The following CNTNAP5 variants were observed in gnomAD, a reference collection of about 807,000 sequenced individuals.
CNTNAP5 encodes contactin associated protein family member 5.
A neutral mutation model predicts 150.2 loss-of-function variants in CNTNAP5; 72 were observed. That is an observed-to-expected ratio of 0.48 (90% CI 0.40 to 0.58). The LOEUF is 0.58. Among genes scored for constraint, CNTNAP5 ranks in the 20% least tolerant of loss-of-function variants. CNTNAP5 has a pLI of 0.00. For missense variants in CNTNAP5, 1,636 were observed against 1,626.2 expected, an observed-to-expected ratio of 1.01 and a Z score of -0.10; for synonymous variants, 672 against 619.8, an observed-to-expected ratio of 1.08 and a Z score of -1.25.
chr2:124,449,026 A>G (rs1190358852), intron 6 of CNTNAP5, among the ~76,000 whole-genome samples: 1 of 152,210 alleles, frequency 6.6e-6, no homozygotes, highest in Admixed American at 6.5e-5. Flanking sequence ...TAGATAATAG[A>G]ACAGTGGAGA....
intron 6 of CNTNAP5, among the ~76,000 whole-genome samples, chr2:124,457,537 T>C (rs1558911084): frequency 6.6e-6 from 1 of 152,204 alleles, no homozygotes; most frequent in East Asian, 1.9e-4. Context: ...GGAAAATGTC[T>C]TTTTATTAAT....
At chr2:124,857,461 A>G (rs548798841) in intron 19 of CNTNAP5, among the ~76,000 whole-genome samples, 4 of 151,946 alleles carry the variant, frequency 2.6e-5, no homozygotes, top group Admixed American at 6.6e-5. Context: ...AGACTGCTCA[A>G]CTCCAACAGG....
intron 3 of CNTNAP5, among the ~76,000 whole-genome samples, chr2:124,250,570 T>C (rs1047144883): frequency 4.6e-5 from 7 of 152,038 alleles, no homozygotes; most frequent in Non-Finnish European, 1.0e-4. Flanking sequence ...CAATAAGATC[T>C]TGTGGTTGCA....
At chr2:124,492,178 A>C (rs1055337843) in intron 7 of CNTNAP5, among the ~76,000 whole-genome samples, 10 of 152,098 alleles carry the variant, frequency 6.6e-5, no homozygotes, top group African/African-American at 1.9e-4. Context: ...GTAATATCCA[A>C]AATCATTGCC....
intron 3 of CNTNAP5, among the ~76,000 whole-genome samples, chr2:124,262,651 GTT>G (rs576536938): frequency 3.5e-5 from 5 of 142,030 alleles, no homozygotes; most frequent in African/African-American, 1.3e-4. Flanking sequence ...ACAGCATTCT[GTT>G]TTTTTTTTTT....
In CNTNAP5 at chr2:124,764,118, T is replaced by C; in HGVS notation, c.2504T>C (p.Ile835Thr). The change falls in exon 16 of 24, where the codon ATT becomes ACT. Residue 835 changes from isoleucine to threonine, a missense_variant. Physicochemically the swap from Ile to Thr is moderately conservative, Grantham distance 89 (BLOSUM62 -1). Transcript: ENST00000682447. ...LSGVFLENLGIKDFIRLEISS... is the reference protein window; with the variant it reads ...LSGVFLENLGTKDFIRLEISS... Reference sequence around the variant, plus strand: ...GGAGTTTTCCTAGAAAATCTTGGCATTAAAGACTTCATTCGACTCGAAATA... The same window carrying C: ...GGAGTTTTCCTAGAAAATCTTGGCACTAAAGACTTCATTCGACTCGAAATA... The C allele has an allele frequency of 6.2e-7, 1 of 1,613,126 alleles. No individual in the cohort carries two copies. The highest frequency in any genetic ancestry group is 8.5e-7 in the Non-Finnish European group (1 of 1,179,260).
At chr2:124,549,831 A>G (rs905307056) in intron 10 of CNTNAP5, among the ~76,000 whole-genome samples, 7 of 152,256 alleles carry the variant, frequency 4.6e-5, no homozygotes, top group Admixed American at 3.3e-4. Context: ...TTTTAATGTC[A>G]TGTTCATCCA....
At chr2:124,408,993 A>T (rs1296213617) in intron 3 of CNTNAP5, among the ~76,000 whole-genome samples, 1 of 144,144 alleles carries the variant, frequency 6.9e-6, no homozygotes, top group African/African-American at 2.6e-5. Context: ...TTTGAAAAAA[A>T]TTTAGAAGAA....
intron 6 of CNTNAP5, among the ~76,000 whole-genome samples, chr2:124,470,066 T>C (rs937924452): frequency 2.0e-5 from 3 of 152,208 alleles, no homozygotes; most frequent in Non-Finnish European, 4.4e-5. Flanking sequence ...AATAGAATGA[T>C]TTATATTCCT....
intron 1 of CNTNAP5, among the ~76,000 whole-genome samples, chr2:124,177,273 G>A (rs931956964): frequency 1.3e-5 from 2 of 152,142 alleles, no homozygotes; most frequent in Non-Finnish European, 2.9e-5. Flanking sequence ...CCCCAGGGGA[G>A]AATGAGGGGC....
chr2:124,661,074 G>A (rs991728793), intron 13 of CNTNAP5, among the ~76,000 whole-genome samples: 3 of 152,008 alleles, frequency 2.0e-5, no homozygotes, highest in African/African-American at 7.3e-5. Flanking sequence ...ATGTGTGAAT[G>A]TGAAGGTCTA....
At chr2:124,232,961 C>T (rs1348097627) in intron 2 of CNTNAP5, among the ~76,000 whole-genome samples, 2 of 151,324 alleles carry the variant, frequency 1.3e-5, no homozygotes, top group African/African-American at 2.4e-5. Flanking sequence ...ATTTCCAGAA[C>T]AGGGTGGTTA....
Position 124,295,079 on chromosome 2 carries a change from C to A in CNTNAP5, c.381+52686C>A, listed in dbSNP as rs1443544546. Among the ~76,000 whole-genome samples the A allele has an allele frequency of 3.3e-5, 5 of 152,084 alleles. No individual in the cohort carries two copies. The East Asian group carries it at 9.7e-4, about 29-fold the overall frequency. On this transcript the variant is annotated intron_variant, in intron 3 of 23. Transcript: ENST00000682447. ...GGAGATCCTGCCACTGCACTCCAGC[C>A]TGGGAGACAGAGCAAGACTTCATCT... is the stretch of plus-strand genomic sequence containing the variant.
chr2:124,790,156 C>T lies in CNTNAP5; in HGVS notation c.2992+15C>T. ...TTGCAAAAAAGGTACCTTAGGCGCT[C>T]CTGTTTCTCCTGAGTGCAGTGCTGT... is the stretch of plus-strand genomic sequence containing the variant. On this transcript the variant is annotated intron_variant, in intron 18 of 23. Transcript: ENST00000682447. 1 of 1,596,060 alleles carries T rather than the reference C, an allele frequency of 6.3e-7. No individual in the cohort carries two copies. Among genetic ancestry groups the T allele is most frequent in the Non-Finnish European group, 8.5e-7 (1 of 1,170,806 alleles).
intron 11 of CNTNAP5, among the ~76,000 whole-genome samples, chr2:124,564,698 TA>T (rs954415046): frequency 2.0e-5 from 3 of 151,998 alleles, no homozygotes; most frequent in African/African-American, 4.8e-5. Flanking sequence ...AGACCACGGG[TA>T]GGGGGAAACA....
intron 6 of CNTNAP5, among the ~76,000 whole-genome samples, chr2:124,455,389 G>C (rs75557126): frequency 7.2e-5 from 11 of 151,940 alleles, no homozygotes; most frequent in Non-Finnish European, 1.5e-5. Flanking sequence ...AACAAGCAGC[G>C]ATATTGAAAT....
At chr2:124,371,080 C>G (rs963179618) in intron 3 of CNTNAP5, among the ~76,000 whole-genome samples, 3 of 152,084 alleles carry the variant, frequency 2.0e-5, no homozygotes, top group Admixed American at 2.0e-4. Flanking sequence ...TGCTACTGTC[C>G]TCCAGATATA....
intron 1 of CNTNAP5, chr2:124,135,106 A>C (rs1683944114): frequency 6.6e-6 from 1 of 151,674 alleles, no homozygotes; most frequent in African/African-American, 2.4e-5. Flanking sequence ...ACAAGAAGTA[A>C]GAAAGCCTGG....
intron 3 of CNTNAP5, among the ~76,000 whole-genome samples, chr2:124,304,585 A>G (rs1171579351): frequency 1.3e-5 from 2 of 152,106 alleles, no homozygotes; most frequent in Admixed American, 1.3e-4. Flanking sequence ...GAATAATATG[A>G]ACAGAACCTC....
Sources: allele counts gnomAD v4.1 joint callset (sites outside exome capture counted in the v4.1 genomes callset), GRCh38; gene constraint gnomAD v4.1.1; transcripts MANE v1.5; gene names NCBI Gene and HGNC (gene_info 2026-07-23, HGNC 2026-07-21).